Variants in STXBP5 observed in about 807,000 individuals in gnomAD.
The protein encoded by STXBP5 is syntaxin binding protein 5, also known as syntaxin-binding protein 5.
A neutral mutation model predicts 152.4 loss-of-function variants in STXBP5; 50 were observed. The ratio of observed to expected loss-of-function variants is 0.33; its 90% confidence interval spans 0.26 to 0.42. The LOEUF is 0.42. STXBP5 is among the 10% of genes least tolerant of loss of function. The pLI, the probability that STXBP5 is intolerant of heterozygous loss-of-function variation, is 1.00. For synonymous variants in STXBP5, 492 were observed against 494.7 expected (o/e 0.99, Z 0.07); for missense variants, 1,167 against 1,388.6 (o/e 0.84, Z 2.54).
intron 2 of STXBP5, among the ~76,000 whole-genome samples, chr6:147,223,215 G>A (rs1472172054): frequency 2.0e-5 from 3 of 152,178 alleles, no homozygotes; most frequent in African/African-American, 2.4e-5. Context: ...TAAAACTGAC[G>A]TTTATCAAGT....
intron 26 of STXBP5, among the ~76,000 whole-genome samples, chr6:147,381,880 G>A (rs1786102721): frequency 6.6e-6 from 1 of 152,152 alleles, no homozygotes; most frequent in African/African-American, 2.4e-5. Context: ...ACTGCAAAGA[G>A]TGGGAATGGA....
At chr6:147,282,923 G>A (rs1780769809) in intron 8 of STXBP5, among the ~76,000 whole-genome samples, 1 of 151,934 alleles carries the variant, frequency 6.6e-6, no homozygotes, top group African/African-American at 2.4e-5. Context: ...AGAAGGAGGA[G>A]AATTATCTAG....
chr6:147,231,950 T>C (rs902568898), intron 2 of STXBP5, among the ~76,000 whole-genome samples: 2 of 152,026 alleles, frequency 1.3e-5, no homozygotes, highest in Middle Eastern at 3.4e-3. Flanking sequence ...TTTCTTGTAT[T>C]ATAATGGTAT....
chr6:147,274,005 T>C (rs1258534409), intron 7 of STXBP5, among the ~76,000 whole-genome samples: 3 of 151,780 alleles, frequency 2.0e-5, no homozygotes, highest in African/African-American at 7.3e-5. Flanking sequence ...ACAGGAATCA[T>C]AACAGCTTTA....
At chr6:147,230,569 A>G (rs892655150) in intron 2 of STXBP5, among the ~76,000 whole-genome samples, 3 of 151,952 alleles carry the variant, frequency 2.0e-5, no homozygotes, top group Admixed American at 6.6e-5. Flanking sequence ...AACGTTGATT[A>G]TAAATATATG....
chr6:147,304,878 T>C (rs1782010089), intron 9 of STXBP5, among the ~76,000 whole-genome samples: 1 of 152,118 alleles, frequency 6.6e-6, no homozygotes, highest in African/African-American at 2.4e-5. Context: ...CCATTTGGAA[T>C]GGGAGAAATT....
chr6:147,327,984 T>C (rs1783356409), intron 18 of STXBP5, among the ~76,000 whole-genome samples: 1 of 152,212 alleles, frequency 6.6e-6, no homozygotes, highest in African/African-American at 2.4e-5. Context: ...CAAAAGTAAA[T>C]TTTATTTCTT....
chr6:147,299,884 C>G (rs1781718976), intron 9 of STXBP5, among the ~76,000 whole-genome samples: 1 of 151,928 alleles, frequency 6.6e-6, no homozygotes, highest in African/African-American at 2.4e-5. Flanking sequence ...TCCCTGTTTG[C>G]AAACAGAATG....
chr6:147,384,638 A>G (rs1786252136), intron 27 of STXBP5, 76 bp from the exon 28 acceptor site: 1 of 1,466,622 alleles, frequency 6.8e-7, no homozygotes, highest in African/African-American at 1.4e-5. Context: ...ATGTTTTGGA[A>G]AAATATAGAA....
Position 147,298,582 on chromosome 6 carries a change from T to G in STXBP5, c.917+7410T>G, listed in dbSNP as rs114038115. Among the ~76,000 whole-genome samples the G allele has an allele frequency of 8.6e-3, 1,314 of 152,154 alleles. 28 individuals carry two copies. Among genetic ancestry groups the G allele is most frequent in the African/African-American group, 0.03 (1,262 of 41,540 alleles). On this transcript the variant is annotated intron_variant, in intron 9 of 27. Coordinates refer to ENST00000321680, the MANE Select transcript of STXBP5 (RefSeq NM_001127715.4). ...TCTTGAGGAGAGATCATATGTTAGG[T>G]CAAGAGCAAGTATTAACACATGTGA...
chr6:147,241,672 G>T (rs1778551595), intron 4 of STXBP5, among the ~76,000 whole-genome samples: 1 of 152,018 alleles, frequency 6.6e-6, no homozygotes, highest in African/African-American at 2.4e-5. Flanking sequence ...TGTTATAGCT[G>T]TCATAACATC....
intron 16 of STXBP5, among the ~76,000 whole-genome samples, chr6:147,320,024 TAG>T (rs550353880): frequency 6.6e-6 from 1 of 151,680 alleles, no homozygotes; most frequent in Non-Finnish European, 1.5e-5. Context: ...TAGTTTTTTA[TAG>T]AGATGGGTTT....
intron 26 of STXBP5, among the ~76,000 whole-genome samples, 175 bp downstream of exon 26, chr6:147,374,017 A>C (rs1342980289): frequency 6.6e-6 from 1 of 152,202 alleles, no homozygotes; most frequent in Non-Finnish European, 1.5e-5. Flanking sequence ...CAAATCAGGG[A>C]AATACTTTAC....
chr6:147,352,152 ATGAC>A (rs1784615309), intron 21 of STXBP5, among the ~76,000 whole-genome samples: 1 of 152,192 alleles, frequency 6.6e-6, no homozygotes, highest in Non-Finnish European at 1.5e-5. Context: ...TTACAGAAAA[ATGAC>A]TGTGGTTTGC....
intron 2 of STXBP5, among the ~76,000 whole-genome samples, chr6:147,221,745 T>C (rs1323243469): frequency 2.2e-5 from 3 of 137,832 alleles, no homozygotes; most frequent in African/African-American, 9.1e-5. Context: ...TGTAGCTTTC[T>C]TTTTTTTTTT....
At chr6:147,256,049 G>T (rs1293071170) in intron 4 of STXBP5, among the ~76,000 whole-genome samples, 2 of 152,284 alleles carry the variant, frequency 1.3e-5, no homozygotes, top group East Asian at 1.9e-4. Flanking sequence ...CTGTTTAAAA[G>T]AATGTTTGGA....
intron 2 of STXBP5, among the ~76,000 whole-genome samples, chr6:147,224,035 T>G (rs1009707554): frequency 6.6e-6 from 1 of 152,260 alleles, no homozygotes; most frequent in Non-Finnish European, 1.5e-5. Context: ...TCTTGAGTTA[T>G]GGTGTTTTTC....
intron 8 of STXBP5, among the ~76,000 whole-genome samples, chr6:147,281,250 G>T (rs940942194): frequency 1.3e-5 from 2 of 151,974 alleles, no homozygotes; most frequent in Admixed American, 1.3e-4. Context: ...TAGAGACAGG[G>T]TTTCACCATG....
At chr6:147,273,195 T>TAAAAATAAAAAAA (rs1554291509) in intron 7 of STXBP5, among the ~76,000 whole-genome samples, 1 of 129,318 alleles carries the variant, frequency 7.7e-6, no homozygotes, top group Non-Finnish European at 1.6e-5. Context: ...TCTAAAAAAG[T>TAAAAATAAAAAAA]AAAAAAAAAA....
Sources: allele counts gnomAD v4.1 joint callset (sites outside exome capture counted in the v4.1 genomes callset), GRCh38; gene constraint gnomAD v4.1.1; transcripts MANE v1.5; gene names NCBI Gene and HGNC (gene_info 2026-07-23, HGNC 2026-07-21).